Variants in CNBD2 observed in about 807,000 individuals in gnomAD.
CNBD2 encodes cyclic nucleotide binding domain containing 2.
In CNBD2, 64 loss-of-function variants were observed where a neutral mutation model predicts 63.7. The ratio of observed to expected loss-of-function variants is 1.00; its 90% CI spans 0.82 to 1.24. The LOEUF (loss-of-function observed/expected upper bound fraction) is 1.24, where lower values mean the gene tolerates loss of function less well. CNBD2 is among the 50% of genes most tolerant of loss of function. CNBD2 has a pLI of 0.00. For synonymous variants in CNBD2, 229 were observed against 255.4 expected, an observed-to-expected ratio of 0.90 and a Z score of 0.99; for missense variants, 691 against 713.5, an observed-to-expected ratio of 0.97 and a Z score of 0.36.
chr20:36,007,588 A>G (rs757994592), intron 8 of CNBD2, among the ~76,000 whole-genome samples: 7 of 152,096 alleles, frequency 4.6e-5, no homozygotes, highest in Non-Finnish European at 8.8e-5. Flanking sequence ...AGTGTTGTAA[A>G]CACAGCTCAC....
At position 36,008,338 on chromosome 20, in the gene CNBD2, T is replaced by C. The variant is rs570577961; in HGVS notation, c.1012T>C (p.Ser338Pro). 6.2e-7 allele frequency: 1 copy of C among 1,613,752 alleles called. No individual in the cohort carries two copies. The highest frequency in any genetic ancestry group is 1.1e-5 in the South Asian group (1 of 91,044). ...AAGATTTAAGGAATTCCAGATCAAATCATATCCTCTGCAAGACTTTAGCTC... is the reference window on the plus strand; with the variant it reads ...AAGATTTAAGGAATTCCAGATCAAACCATATCCTCTGCAAGACTTTAGCTC... ...MERFKEFQIK[S>P]YPLQDFSSLK... is the part of the protein sequence containing the mutation. Residue 338 changes from serine to proline, a missense_variant, in exon 9 of 12, where the codon TCA (serine) becomes CCA (proline). By Grantham distance (74) the Ser-to-Pro change is moderately conservative (BLOSUM62 -1). Coordinates refer to ENST00000373973, the MANE Select transcript of CNBD2 (RefSeq NM_001365709.1).
At chr20:35,955,493 C>T (rs1197789170), downstream of CNBD2, 1 of 152,154 alleles carries the variant, frequency 6.6e-6, no homozygotes, top group Admixed American at 6.5e-5. Context: ...GGTGGAATCC[C>T]CTTTGACGAT....
At chr20:36,002,280 G>T (rs1308794684) in intron 8 of CNBD2, among the ~76,000 whole-genome samples, 1 of 152,200 alleles carries the variant, frequency 6.6e-6, no homozygotes, top group African/African-American at 2.4e-5. Context: ...GCCTGCAATC[G>T]CAGGCACTTG....
chr20:35,957,446 G>C (rs574837573), downstream of CNBD2, among the ~76,000 whole-genome samples: 9 of 152,118 alleles, frequency 5.9e-5, no homozygotes, highest in East Asian at 1.7e-3. Flanking sequence ...AAATTAGCTG[G>C]GCTCGGTGGC....
At chr20:36,014,543 C>T (rs1238333321) in intron 10 of CNBD2, among the ~76,000 whole-genome samples, 3 of 152,018 alleles carry the variant, frequency 2.0e-5, no homozygotes, top group Non-Finnish European at 2.9e-5. Flanking sequence ...GTTGGCCAGG[C>T]TGGTCTGGAA....
chr20:35,996,589 C>A (rs1007221042), intron 8 of CNBD2, among the ~76,000 whole-genome samples: 3 of 150,378 alleles, frequency 2.0e-5, no homozygotes, highest in African/African-American at 7.4e-5. Context: ...CTCACTGCAA[C>A]CTCTGCCTCC....
intron 8 of CNBD2, among the ~76,000 whole-genome samples, chr20:35,995,394 T>C (rs1426290697): frequency 6.6e-6 from 1 of 152,092 alleles, no homozygotes; most frequent in Non-Finnish European, 1.5e-5. Flanking sequence ...ACTCCTTGCC[T>C]CACATATCCC....
chr20:35,954,410 G>A (rs1298435728), upstream of CNBD2: 1 of 1,554,140 alleles, frequency 6.4e-7, no homozygotes, highest in Non-Finnish European at 8.7e-7. Context: ...CCTTGAGGGA[G>A]TCGGACTCGG....
intron 8 of CNBD2, among the ~76,000 whole-genome samples, chr20:36,005,239 G>T (rs1305657558): frequency 6.6e-6 from 1 of 152,162 alleles, no homozygotes; most frequent in African/African-American, 2.4e-5. Flanking sequence ...ACAGATGGGG[G>T]CAGGTGGTAA....
chr20:36,011,291 T>C (rs1425563135), intron 10 of CNBD2, 34 bp downstream of exon 10: 2 of 1,473,074 alleles, frequency 1.4e-6, no homozygotes, highest in African/African-American at 2.9e-5. Context: ...CACCATGGAG[T>C]ACGTAACATG....
downstream of CNBD2, chr20:35,959,289 G>T (rs2056287435): frequency 6.6e-6 from 1 of 150,900 alleles, no homozygotes; most frequent in South Asian, 2.1e-4. Context: ...GTTCTAGTAT[G>T]TAGTATTTTT....
chr20:36,024,040 G>A (rs1396929321), intron 11 of CNBD2, among the ~76,000 whole-genome samples: 1 of 152,242 alleles, frequency 6.6e-6, no homozygotes. Flanking sequence ...CCTGCATTAA[G>A]ATGTTCATTG....
chr20:36,010,335 C>T (rs2147327857), intron 9 of CNBD2, among the ~76,000 whole-genome samples: 1 of 151,662 alleles, frequency 6.6e-6, no homozygotes, highest in East Asian at 1.9e-4. Flanking sequence ...AACGAGCACC[C>T]TGTGACTTTT....
intron 1 of CNBD2, among the ~76,000 whole-genome samples, chr20:35,971,782 C>T (rs1386815094): frequency 6.6e-6 from 1 of 152,172 alleles, no homozygotes; most frequent in Non-Finnish European, 1.5e-5. Flanking sequence ...ATTGGTATGT[C>T]TCTTGAATCT....
intron 10 of CNBD2, among the ~76,000 whole-genome samples, chr20:36,020,373 G>A (rs919763068): frequency 6.6e-6 from 1 of 152,140 alleles, no homozygotes; most frequent in Non-Finnish European, 1.5e-5. Context: ...GAGCCACTGC[G>A]CCCGGCCGAT....
chr20:35,993,440 A>G (rs537630255), intron 7 of CNBD2, among the ~76,000 whole-genome samples: 8 of 152,198 alleles, frequency 5.3e-5, no homozygotes, highest in Non-Finnish European at 7.3e-5. Context: ...TCAACTGAAT[A>G]TTTGTTATTT....
At chr20:35,995,238 A>T (rs1322556684) in intron 8 of CNBD2, 86 bp downstream of exon 8, 1 of 895,718 alleles carries the variant, frequency 1.1e-6, no homozygotes, top group Non-Finnish European at 1.8e-6. Context: ...TTAGAAATCT[A>T]GTCAGCCAGC....
downstream of CNBD2, among the ~76,000 whole-genome samples, chr20:35,955,740 G>C (rs2056249787): frequency 6.6e-6 from 1 of 152,194 alleles, no homozygotes; most frequent in Non-Finnish European, 1.5e-5. Context: ...GTGGTTTTCT[G>C]TTTGGTAGCT....
intron 10 of CNBD2, among the ~76,000 whole-genome samples, chr20:36,016,656 G>T (rs1175990505): frequency 6.6e-6 from 1 of 151,910 alleles, no homozygotes; most frequent in East Asian, 1.9e-4. Flanking sequence ...AGGTGTGGTG[G>T]CACACACCTG....
Sources: allele counts gnomAD v4.1 joint callset (sites outside exome capture counted in the v4.1 genomes callset), GRCh38; gene constraint gnomAD v4.1.1; transcripts MANE v1.5; gene names NCBI Gene and HGNC (gene_info 2026-07-23, HGNC 2026-07-21).